Variants in GSC observed in about 807,000 individuals in gnomAD.
GSC encodes the protein homeobox protein goosecoid.
Under a neutral mutation model 24.5 loss-of-function variants are expected in GSC, and 13 were observed. The ratio of observed to expected loss-of-function variants is 0.53; its 90% confidence interval spans 0.35 to 0.84. GSC has a LOEUF of 0.84. Among genes scored for constraint, GSC ranks in the 40% least tolerant of loss-of-function variants. The pLI is 0.01. For synonymous variants in GSC, 199 were observed against 182.1 expected (o/e 1.09, Z -0.75); for missense variants, 382 against 384.2 (o/e 0.99, Z 0.05).
At chr14:94,768,841 C>A in intron 2 of GSC, 117 bp downstream of exon 2, 1 of 1,439,314 alleles carries the variant, frequency 6.9e-7, no homozygotes, top group Non-Finnish European at 9.4e-7. Flanking sequence ...GCCTGCGGGC[C>A]GCCATCGGGA....
In GSC at chr14:94,768,339, C is replaced by T. The variant is rs897143322; in HGVS notation, c.*152G>A. On this transcript the variant is annotated 3_prime_UTR_variant, in exon 3 of 3. Coordinates refer to ENST00000238558, the MANE Select transcript of GSC (RefSeq NM_173849.3). ...CTGTGCGCGCCCTGACCCCAGACGC[C>T]GACCCTCCCGGCTCTGTACACTATT... 120 of 1,040,720 alleles carry T rather than the reference C, an allele frequency of 1.2e-4. No individual in the cohort carries two copies. Among genetic ancestry groups the T allele is most frequent in the Admixed American group, 4.5e-4 (23 of 51,088 alleles). 64.5% of individuals were successfully genotyped at this position (1,040,720 alleles called of 1,614,324 possible). A position where few individuals can be genotyped will look rare whatever the true frequency, so the allele number is the denominator to read the frequency against.
At chr14:94,769,269 A>G (rs1885235227) in intron 1 of GSC, 52 bp from the exon 2 acceptor site, 1 of 1,534,214 alleles carries the variant, frequency 6.5e-7, no homozygotes, top group African/African-American at 1.4e-5. Flanking sequence ...CACCGCACGC[A>G]TGCACGCCCG....
intron 2 of GSC, 110 bp from the exon 3 acceptor site, chr14:94,768,759 A>C (rs1885220825): frequency 3.4e-6 from 5 of 1,483,326 alleles, no homozygotes; most frequent in Admixed American, 1.8e-5. Context: ...CAGGCCAACA[A>C]AAGGAGGGGA....
At position 94,769,734 on chromosome 14, in the gene GSC, G is replaced by C; in HGVS notation, c.282C>G (p.Pro94=). The stretch of plus-strand genomic sequence containing the variant: ...CGGCCCCGCAGCAGGCCGGGCCCAC[G>C]GGCGCCGCCTGCACGTGCAGCTGCC... ...FYGQLHVQAA[P]VGPACCGAVP... is the part of the protein sequence containing the mutation. The change falls in exon 1 of 3, where the codon CCC becomes CCG. Residue 94 remains proline, a synonymous_variant. Coordinates refer to ENST00000238558, the MANE Select transcript of GSC (RefSeq NM_173849.3). The C allele has an allele frequency of 6.9e-7, 1 of 1,441,966 alleles. No homozygotes were observed. Among genetic ancestry groups the C allele is most frequent in the South Asian group, 1.4e-5 (1 of 70,456 alleles). 89.3% of individuals were successfully genotyped at this position (1,441,966 alleles called of 1,614,324 possible).
chr14:94,768,696 C>T (rs757336569), intron 2 of GSC, 47 bp from the exon 3 acceptor site: 30 of 1,605,674 alleles, frequency 1.9e-5, no homozygotes, highest in South Asian at 7.7e-5. Context: ...AGGCGCGCTT[C>T]CCCCAGTCCC....
At position 94,769,991 on chromosome 14, in the gene GSC, C is replaced by G; in HGVS notation, c.25G>C (p.Asp9His). The G allele has an allele frequency of 6.4e-7, 1 of 1,561,024 alleles. No individual in the cohort carries two copies. Among genetic ancestry groups the G allele is most frequent in the Non-Finnish European group, 8.6e-7 (1 of 1,162,414 alleles). The change falls in exon 1 of 3, where the codon GAC (aspartate) becomes CAC (histidine). Residue 9 changes from aspartate to histidine, a missense_variant. Coordinates refer to ENST00000238558, the MANE Select transcript of GSC (RefSeq NM_173849.3). Reference sequence around the variant, plus strand: ...CGCGGCCGGGCGGCTAGGATGTTGTCGATGCTGAACATGCTGGCGGGCATC... The same window carrying G: ...CGCGGCCGGGCGGCTAGGATGTTGTGGATGCTGAACATGCTGGCGGGCATC... MPASMFSIDNILAARPRCK... is the reference protein window; with the variant it reads MPASMFSIHNILAARPRCK...
intron 2 of GSC, 139 bp downstream of exon 2, chr14:94,768,819 C>G: frequency 7.2e-7 from 1 of 1,385,630 alleles, no homozygotes; most frequent in South Asian, 1.2e-5. Flanking sequence ...GGGCCTAAAG[C>G]GCCCTCCAGC....
Position 94,768,277 on chromosome 14 carries a change from GGT to G in GSC, c.*212_*213del. On this transcript the variant is annotated 3_prime_UTR_variant, in exon 3 of 3. Coordinates refer to ENST00000238558, the MANE Select transcript of GSC (RefSeq NM_173849.3). ...CCCTTAATTTAACTATAAATACTAC[GGT>G]GGGGGCTAGTCGCGGGCGGCCTCGG... 1.6e-6 allele frequency: 1 copy of G among 615,852 alleles called. No homozygotes were observed. Among genetic ancestry groups the G allele is most frequent in the Non-Finnish European group, 2.9e-6 (1 of 342,744 alleles). The allele number at this position is 615,852 out of a possible 1,614,324, so 38.1% of individuals were successfully genotyped here. A position where few individuals can be genotyped will look rare whatever the true frequency, so the allele number is the denominator to read the frequency against.
In GSC at chr14:94,768,628, C is replaced by A. The variant is rs1160908761; in HGVS notation, c.637G>T (p.Ala213Ser). ...GACCGCTTCTGCCGCCTCCATTTGGCGCGGCGGTTCTTAAACCAGACCTGT... is the reference window on the plus strand; with the variant it reads ...GACCGCTTCTGCCGCCTCCATTTGGAGCGGCGGTTCTTAAACCAGACCTGT... ...KVEVWFKNRR[A>S]KWRRQKRSSS... The change falls in exon 3 of 3, where the codon GCC becomes TCC. Residue 213 changes from alanine (A) to serine (S), a missense_variant. Coordinates refer to ENST00000238558, the MANE Select transcript of GSC (RefSeq NM_173849.3). 3 of 1,613,744 alleles carry A rather than the reference C, an allele frequency of 1.9e-6. No homozygotes were observed. In the Admixed American group the frequency reaches 5.0e-5, roughly 27 times the overall value.
chr14:94,769,805 C>T lies in GSC; in HGVS notation c.211G>A (p.Ala71Thr). Residue 71 changes from alanine (A) to threonine (T), a missense_variant, in exon 1 of 3, where the codon GCC becomes ACC. Transcript: ENST00000238558. ...CCGAGGCGGGAGCCGCTGACCGCGGCCGGGAGGCCCGCGCCGCCGGGGGCC... is the reference window on the plus strand; with the variant it reads ...CCGAGGCGGGAGCCGCTGACCGCGGTCGGGAGGCCCGCGCCGCCGGGGGCC... Reference protein sequence around the residue: ...PVAPGGAGLPAAVSGSRLGYN... With the variant: ...PVAPGGAGLPTAVSGSRLGYN... 7.1e-7 allele frequency: 1 copy of T among 1,413,414 alleles called. No homozygotes were observed. The allele number at this position is 1,413,414 out of a possible 1,614,324, so 87.6% of individuals were successfully genotyped here.
Position 94,768,443 on chromosome 14 carries a change from C to A in GSC, c.*48G>T, listed in dbSNP as rs369236695. The A allele has an allele frequency of 6.2e-7, 1 of 1,609,338 alleles. No homozygotes were observed. Among genetic ancestry groups the A allele is most frequent in the Non-Finnish European group, 8.5e-7 (1 of 1,175,810 alleles). On this transcript the variant is annotated 3_prime_UTR_variant, in exon 3 of 3. Transcript: ENST00000238558. ...AAGAAAGTAGCATCGTCTGTCTGTG[C>A]AAGTCCTTCGAGTTAGGTAAGTAAT...
Position 94,770,044 on chromosome 14 carries a change from C to A in GSC, c.-29G>T, listed in dbSNP as rs989786071. 4.6e-6 allele frequency: 7 copies of A among 1,530,300 alleles called. No homozygotes were observed. The highest frequency in any genetic ancestry group is 1.4e-5 in the African/African-American group (1 of 71,976). 94.8% of individuals were successfully genotyped at this position (1,530,300 alleles called of 1,614,324 possible). A position where few individuals can be genotyped will look rare whatever the true frequency, so the allele number is the denominator to read the frequency against. The stretch of plus-strand genomic sequence containing the variant: ...CGAGCCCCGCGTCGGGACCGGGGGG[C>A]GGCGGGAACGCGCCGAGGACAGAGC... On this transcript the variant is annotated 5_prime_UTR_variant, in exon 1 of 3. Transcript: ENST00000238558.
Position 94,769,780 on chromosome 14 carries a change from C to A in GSC, c.236G>T (p.Gly79Val). The A allele has an allele frequency of 7.0e-7, 1 of 1,432,648 alleles. No individual in the cohort carries two copies. The highest frequency in any genetic ancestry group is 9.1e-7 in the Non-Finnish European group (1 of 1,102,884). The allele number at this position is 1,432,648 out of a possible 1,614,324, so 88.7% of individuals were successfully genotyped here. The part of the protein sequence containing the change: ...LPAAVSGSRL[G>V]YNNYFYGQLH... The stretch of plus-strand genomic sequence containing the variant: ...CTGCCCGTAGAAGTAGTTGTTGTAG[C>A]CGAGGCGGGAGCCGCTGACCGCGGC... Residue 79 changes from glycine to valine, a missense_variant, in exon 1 of 3, where the codon GGC (glycine) becomes GTC (valine). Coordinates refer to ENST00000238558, the MANE Select transcript of GSC (RefSeq NM_173849.3).
chr14:94,768,607 G>C lies in GSC; in HGVS notation c.658C>G (p.Arg220Gly), dbSNP rs768406079. Residue 220 changes from arginine to glycine, a missense_variant, in exon 3 of 3, where the codon CGG (arginine) becomes GGG (glycine). Physicochemically the swap from Arg to Gly is moderately radical, Grantham distance 125. Coordinates refer to ENST00000238558, the MANE Select transcript of GSC (RefSeq NM_173849.3). ...TTCTCCGACTCCTCTGATGAGGACC[G>C]CTTCTGCCGCCTCCATTTGGCGCGG... Reference protein sequence around the residue: ...NRRAKWRRQKRSSSEESENAE... With the variant: ...NRRAKWRRQKGSSSEESENAE... 1 of 1,613,980 alleles carries C rather than the reference G, an allele frequency of 6.2e-7. No homozygotes were observed. The highest frequency in any genetic ancestry group is 1.1e-5 in the South Asian group (1 of 91,084).
Position 94,768,501 on chromosome 14 carries a change from GAGTCC to G in GSC, c.759_763del (p.Leu253PhefsTer16). The stretch of plus-strand genomic sequence containing the variant: ...AGTGTCCCGCGGCCGTCAGCTGTCC[GAGTCC>G]AAATCGCTTTTACCTTCCTCTTCCC... On this transcript the variant is annotated frameshift_variant, in exon 3 of 3. Transcript: ENST00000238558. LOFTEE classifies it high-confidence loss of function. 1.2e-6 allele frequency: 2 copies of G among 1,614,222 alleles called. No individual in the cohort carries two copies. Among genetic ancestry groups the G allele is most frequent in the Non-Finnish European group, 1.7e-6 (2 of 1,180,038 alleles).
chr14:94,769,423 TCAAAA>T (rs372026110), intron 1 of GSC, among the ~76,000 whole-genome samples: 34 of 152,034 alleles, frequency 2.2e-4, no homozygotes, highest in African/African-American at 5.3e-4. Flanking sequence ...GTAAGAGAAT[TCAAAA>T]CAAAACAAAA....
intron 1 of GSC, 109 bp downstream of exon 1, chr14:94,769,552 A>AG (rs1489740764): frequency 1.3e-5 from 17 of 1,358,120 alleles, no homozygotes; most frequent in Non-Finnish European, 2.9e-6. Context: ...GCAAAAGCGG[A>AG]GGGGGGAGTT....
At position 94,770,041 on chromosome 14, in the gene GSC, G is replaced by A. The variant is rs183171414; in HGVS notation, c.-26C>T. The A allele has an allele frequency of 3.3e-5, 51 of 1,535,382 alleles. No homozygotes were observed. In the Middle Eastern group the frequency reaches 6.3e-4, roughly 19 times the overall value. ...CCCCGAGCCCCGCGTCGGGACCGGG[G>A]GGCGGCGGGAACGCGCCGAGGACAG... is the stretch of plus-strand genomic sequence containing the variant. On this transcript the variant is annotated 5_prime_UTR_variant, in exon 1 of 3. Transcript: ENST00000238558.
At position 94,768,937 on chromosome 14, in the gene GSC, ACGGCAGGCCC is replaced by A; in HGVS notation, c.615+11_615+20del. On this transcript the variant is annotated intron_variant, in intron 2 of 2. Transcript: ENST00000238558. Reference sequence around the variant, plus strand: ...CGCGGGGAAGGACCGCTAGGCGCCCACGGCAGGCCCCGGCGCCTACCTCCACTTTCTCCTC... The same window carrying A: ...CGCGGGGAAGGACCGCTAGGCGCCCACGGCGCCTACCTCCACTTTCTCCTC... 6.4e-7 allele frequency: 1 copy of A among 1,569,214 alleles called. No homozygotes were observed. The highest frequency in any genetic ancestry group is 1.2e-5 in the South Asian group (1 of 85,684).
Sources: gnomAD v4.1 joint callset for allele counts (sites outside exome capture counted in the v4.1 genomes callset) on GRCh38, gnomAD v4.1.1 for gene constraint, MANE v1.5 for transcripts, NCBI Gene and HGNC (gene_info 2026-07-23, HGNC 2026-07-21) for gene names.